VPS41: variants seen among roughly 807,000 people sequenced by gnomAD.
VPS41 encodes the protein VPS41 subunit of HOPS complex, also known as vacuolar protein sorting-associated protein 41 homolog.
A neutral mutation model predicts 130.9 loss-of-function variants in VPS41; 85 were observed. The ratio of observed to expected loss-of-function variants is 0.65; its 90% CI spans 0.55 to 0.78. The LOEUF (loss-of-function observed/expected upper bound fraction) is 0.78, where lower values mean the gene tolerates loss of function less well. VPS41 is among the 30% of genes least tolerant of loss of function. The pLI is 0.00. For synonymous variants in VPS41, 335 were observed against 332.9 expected (o/e 1.01, Z -0.07); for missense variants, 874 against 1,018.7 (o/e 0.86, Z 1.93).
At chr7:38,856,744 A>C (rs867825750) in intron 4 of VPS41, among the ~76,000 whole-genome samples, 1 of 152,062 alleles carries the variant, frequency 6.6e-6, no homozygotes, top group African/African-American at 2.4e-5. Context: ...GTAATATAGG[A>C]GTTTACAGGA....
intron 10 of VPS41, among the ~76,000 whole-genome samples, chr7:38,781,610 T>G (rs1003165018): frequency 6.6e-6 from 1 of 152,226 alleles, no homozygotes; most frequent in Non-Finnish European, 1.5e-5. Context: ...TTTGCCTGTC[T>G]TCAGTATTTA....
chr7:38,734,285 T>G (rs1795723596), intron 25 of VPS41, among the ~76,000 whole-genome samples: 1 of 152,230 alleles, frequency 6.6e-6, no homozygotes, highest in African/African-American at 2.4e-5. Flanking sequence ...GGTCAATTTC[T>G]TCTTACATCC....
intron 2 of VPS41, among the ~76,000 whole-genome samples, chr7:38,894,287 T>C (rs1159073995): frequency 1.3e-5 from 2 of 152,124 alleles, no homozygotes; most frequent in Non-Finnish European, 2.9e-5. Context: ...CTCCAAAGTC[T>C]TCAAAGGCTC....
intron 4 of VPS41, among the ~76,000 whole-genome samples, chr7:38,834,106 TA>T (rs58118786): frequency 0.58 from 85,594 of 147,914 alleles, 26,034 homozygotes; most frequent in East Asian, 0.86. Flanking sequence ...TCATGGTATT[TA>T]AAAAAAAAAA....
chr7:38,746,926 G>A (rs1475180467), intron 22 of VPS41, among the ~76,000 whole-genome samples: 4 of 152,018 alleles, frequency 2.6e-5, no homozygotes, highest in Admixed American at 1.3e-4. Context: ...CAAGAGGAAG[G>A]AGCCCCGGTC....
At chr7:38,811,065 G>A (rs939683170) in intron 7 of VPS41, among the ~76,000 whole-genome samples, 1 of 152,108 alleles carries the variant, frequency 6.6e-6, no homozygotes, top group Non-Finnish European at 1.5e-5. Context: ...CAAAATGAAA[G>A]TGATCATTTC....
At position 38,796,814 on chromosome 7, in the gene VPS41, C is replaced by T. The variant is rs138065751; in HGVS notation, c.501G>A (p.Leu167=). Residue 167 remains leucine, a synonymous_variant, in exon 8 of 29, where the codon CTG becomes CTA. Transcript: ENST00000310301. ...TCCTTATGTTCCCTTCCCCTTCATG[C>T]AGAACAGCAGACTTCCATCTGTTCA... The part of the protein sequence containing the change: ...SWMNRWKSAV[L]HEGEGNIRSV... 1.9e-6 allele frequency: 3 copies of T among 1,614,006 alleles called. No homozygotes were observed. The highest frequency in any genetic ancestry group is 2.5e-6 in the Non-Finnish European group (3 of 1,179,898).
chr7:38,759,153 A>G (rs1412889644), intron 17 of VPS41, among the ~76,000 whole-genome samples: 2 of 152,262 alleles, frequency 1.3e-5, no homozygotes, highest in Non-Finnish European at 2.9e-5. Context: ...GTGACAGCCT[A>G]TAACTTGTGA....
chr7:38,801,063 G>A (rs536326284), intron 7 of VPS41, among the ~76,000 whole-genome samples: 1 of 152,290 alleles, frequency 6.6e-6, no homozygotes, highest in East Asian at 1.9e-4. Flanking sequence ...CGAGCTATGG[G>A]AGGAAGCAGA....
At chr7:38,787,807 T>C (rs1784466509) in intron 10 of VPS41, among the ~76,000 whole-genome samples, 1 of 152,220 alleles carries the variant, frequency 6.6e-6, no homozygotes, top group Non-Finnish European at 1.5e-5. Flanking sequence ...CCAAACTATT[T>C]TGCCTCCTGC....
intron 12 of VPS41, among the ~76,000 whole-genome samples, chr7:38,772,859 T>G (rs917168747): frequency 7.2e-5 from 11 of 151,898 alleles, no homozygotes; most frequent in African/African-American, 2.7e-4. Flanking sequence ...GTAAAAATAC[T>G]TGACCAAAAA....
At chr7:38,792,873 C>T (rs995981589) in intron 9 of VPS41, among the ~76,000 whole-genome samples, 2 of 152,128 alleles carry the variant, frequency 1.3e-5, no homozygotes, top group African/African-American at 4.8e-5. Flanking sequence ...CTCACTCTGA[C>T]ACAAACAGCT....
intron 4 of VPS41, among the ~76,000 whole-genome samples, chr7:38,834,559 G>C (rs138803588): frequency 3.4e-4 from 52 of 152,294 alleles, no homozygotes; most frequent in African/African-American, 1.3e-3. Flanking sequence ...GAGGGGAAGA[G>C]AGAACACTGT....
intron 25 of VPS41, among the ~76,000 whole-genome samples, chr7:38,740,187 G>A (rs1489514203): frequency 6.6e-6 from 1 of 152,158 alleles, no homozygotes; most frequent in East Asian, 1.9e-4. Context: ...ACTTCCCTTG[G>A]GGGAGGGTTG....
intron 2 of VPS41, among the ~76,000 whole-genome samples, chr7:38,883,045 C>T (rs1786646486): frequency 6.6e-6 from 1 of 152,142 alleles, no homozygotes; most frequent in African/African-American, 2.4e-5. Flanking sequence ...GAGTTTGAGA[C>T]CAGCCTGGCC....
At chr7:38,762,880 C>T (rs1562576600) in intron 17 of VPS41, among the ~76,000 whole-genome samples, 1 of 152,274 alleles carries the variant, frequency 6.6e-6, no homozygotes, top group East Asian at 1.9e-4. Flanking sequence ...AGTCATGCTT[C>T]TTTCCATCTC....
intron 2 of VPS41, among the ~76,000 whole-genome samples, chr7:38,870,739 C>CAAAA (rs70977434): frequency 3.0e-4 from 9 of 29,738 alleles, no homozygotes; most frequent in East Asian, 1.1e-3. Context: ...ACTATATGTT[C>CAAAA]AAAAAAAAAA....
At chr7:38,846,731 C>G (rs982676218) in intron 4 of VPS41, among the ~76,000 whole-genome samples, 2 of 152,048 alleles carry the variant, frequency 1.3e-5, no homozygotes, top group Non-Finnish European at 2.9e-5. Flanking sequence ...ACTGCAATAA[C>G]CCAGGTGAGA....
rs571218248 is a variant in VPS41, at chr7:38,767,810, C to T, written c.1186-212G>A. Among the ~76,000 whole-genome samples the T allele has an allele frequency of 1.2e-4, 18 of 152,110 alleles. No homozygotes were observed. The South Asian group carries it at 3.7e-3, about 32-fold the overall frequency. On this transcript the variant is annotated intron_variant, in intron 14 of 28. Coordinates refer to ENST00000310301, the MANE Select transcript of VPS41 (RefSeq NM_014396.4). Reference sequence around the variant, plus strand: ...ATATTTTCATACATTTTAGAATTCACAGGTCAGGTCATTAAAAAAAGTAAA... The same window carrying T: ...ATATTTTCATACATTTTAGAATTCATAGGTCAGGTCATTAAAAAAAGTAAA...
Sources: allele counts gnomAD v4.1 joint callset (sites outside exome capture counted in the v4.1 genomes callset), GRCh38; gene constraint gnomAD v4.1.1; transcripts MANE v1.5; gene names NCBI Gene and HGNC (gene_info 2026-07-23, HGNC 2026-07-21).